The following NETO1 variants were observed in gnomAD, a reference collection of about 807,000 sequenced individuals.
NETO1 encodes neuropilin and tolloid like 1.
In NETO1, 26 loss-of-function variants were observed where a neutral mutation model predicts 61.3. The ratio of observed to expected loss-of-function variants is 0.42; its 90% confidence interval spans 0.31 to 0.59. The LOEUF (loss-of-function observed/expected upper bound fraction) is 0.59, where lower values mean the gene tolerates loss of function less well. NETO1 is among the 20% of genes least tolerant of loss of function. The pLI is 0.12. For missense variants in NETO1, 531 were observed against 662.8 expected (o/e 0.80, Z 2.18); for synonymous variants, 225 against 225.8 (o/e 1.00, Z 0.03).
intron 7 of NETO1, among the ~76,000 whole-genome samples, chr18:72,773,159 C>T (rs957373437): frequency 6.6e-6 from 1 of 151,932 alleles, no homozygotes; most frequent in Non-Finnish European, 1.5e-5. Flanking sequence ...TTCCTCCTCA[C>T]TTGCATCTGA....
intron 4 of NETO1, among the ~76,000 whole-genome samples, chr18:72,810,191 A>C (rs1439208978): frequency 6.6e-6 from 1 of 152,188 alleles, no homozygotes; most frequent in African/African-American, 2.4e-5. Flanking sequence ...AAAATATTCA[A>C]ATCTTCCCAT....
chr18:72,764,942 C>T (rs1188420883), intron 7 of NETO1, among the ~76,000 whole-genome samples: 2 of 152,142 alleles, frequency 1.3e-5, no homozygotes, highest in Non-Finnish European at 2.9e-5. Context: ...GAGGTCTCCA[C>T]TGCTGTGAAT....
intron 7 of NETO1, among the ~76,000 whole-genome samples, chr18:72,772,821 C>CTA (rs2071412980): frequency 7.9e-5 from 4 of 50,706 alleles, no homozygotes; most frequent in African/African-American, 1.7e-4. Context: ...CTCTCTCTCT[C>CTA]TCTCTATATA....
chr18:72,766,526 A>T lies in NETO1; in HGVS notation c.869-10379T>A, dbSNP rs368488525. Among the ~76,000 whole-genome samples, 453 of 152,214 alleles carry T rather than the reference A, an allele frequency of 3.0e-3. 3 individuals carry two copies. The highest frequency in any genetic ancestry group is 0.01 in the African/African-American group (421 of 41,544). On this transcript the variant is annotated intron_variant, in intron 7 of 10. Coordinates refer to ENST00000327305, the MANE Select transcript of NETO1 (RefSeq NM_138966.5). ...TTTTCATGTCCTTTATCACCTTCAT[A>T]GTTGTTTTGAAAAATCAATATGTTT...
At chr18:72,753,547 G>A (rs115864468) in intron 8 of NETO1, among the ~76,000 whole-genome samples, 1,679 of 152,280 alleles carry the variant, frequency 0.011, 35 homozygotes, top group African/African-American at 0.038. Flanking sequence ...ATGGAAGAGA[G>A]TTCATGTTGA....
At position 72,788,262 on chromosome 18, in the gene NETO1, G is replaced by A. The variant is rs531845169; in HGVS notation, c.640-4356C>T. Among the ~76,000 whole-genome samples, 18 of 152,172 alleles carry A rather than the reference G, an allele frequency of 1.2e-4. No individual in the cohort carries two copies. In the South Asian group the frequency reaches 3.5e-3, roughly 30 times the overall value. On this transcript the variant is annotated intron_variant, in intron 6 of 10. Coordinates refer to ENST00000327305, the MANE Select transcript of NETO1 (RefSeq NM_138966.5). Reference sequence around the variant, plus strand: ...CCGTCACTAGATCCCAGGTAATCACGTCTGAAGCATTCAGTAGTGTTTACC... The same window carrying A: ...CCGTCACTAGATCCCAGGTAATCACATCTGAAGCATTCAGTAGTGTTTACC...
In NETO1 at chr18:72,841,443, G is replaced by C. The variant is rs112731030; in HGVS notation, c.469+17383C>G. On this transcript the variant is annotated intron_variant, in intron 4 of 10. Coordinates refer to ENST00000327305, the MANE Select transcript of NETO1 (RefSeq NM_138966.5). The stretch of plus-strand genomic sequence containing the variant: ...TGGCAGAGAAATCAAGCTCAGAAAG[G>C]CCATTTTGGCCGGGTGCGGTGGCTC... Among the ~76,000 whole-genome samples the C allele has an allele frequency of 1.8e-4, 27 of 151,994 alleles. 2 individuals carry two copies. Among genetic ancestry groups the C allele is most frequent in the African/African-American group, 6.5e-4 (27 of 41,444 alleles).
intron 4 of NETO1, chr18:72,834,529 CTATA>C: frequency 3.1e-6 from 3 of 960,304 alleles, no homozygotes; most frequent in Non-Finnish European, 3.7e-6. Flanking sequence ...ATATTAATTA[CTATA>C]TATAATATAA....
At chr18:72,817,347 A>G (rs2073059774) in intron 4 of NETO1, among the ~76,000 whole-genome samples, 1 of 152,206 alleles carries the variant, frequency 6.6e-6, no homozygotes, top group Admixed American at 6.5e-5. Flanking sequence ...ATTCCCAGCT[A>G]TGGCCAAGAA....
chr18:72,804,053 T>C (rs2072595776), intron 4 of NETO1, among the ~76,000 whole-genome samples: 1 of 152,098 alleles, frequency 6.6e-6, no homozygotes, highest in Non-Finnish European at 1.5e-5. Flanking sequence ...TATTAATTTA[T>C]ATTTTAATAT....
intron 4 of NETO1, among the ~76,000 whole-genome samples, chr18:72,856,907 T>C (rs2074426823): frequency 6.6e-6 from 1 of 152,248 alleles, no homozygotes; most frequent in African/African-American, 2.4e-5. Flanking sequence ...AAATGACAAC[T>C]ATAGCCTGCC....
intron 4 of NETO1, among the ~76,000 whole-genome samples, chr18:72,802,484 G>A (rs2072541082): frequency 6.6e-6 from 1 of 152,208 alleles, no homozygotes; most frequent in African/African-American, 2.4e-5. Flanking sequence ...AAAATGAACG[G>A]ATGTACAAAC....
chr18:72,797,373 GA>G (rs1279265616), intron 4 of NETO1, among the ~76,000 whole-genome samples: 3 of 152,032 alleles, frequency 2.0e-5, no homozygotes, highest in African/African-American at 7.2e-5. Flanking sequence ...AAAACTTTAT[GA>G]AAAAAATGTT....
chr18:72,777,427 A>T (rs973018544), intron 7 of NETO1, among the ~76,000 whole-genome samples: 1 of 127,166 alleles, frequency 7.9e-6, no homozygotes, highest in Non-Finnish European at 1.6e-5. Context: ...CTGAAAAAAA[A>T]AAACAAAACA....
At chr18:72,841,857 A>C (rs1352661809) in intron 4 of NETO1, among the ~76,000 whole-genome samples, 2 of 150,800 alleles carry the variant, frequency 1.3e-5, no homozygotes, top group Non-Finnish European at 2.9e-5. Flanking sequence ...TGTTTGTTTT[A>C]CTGTGTCACA....
At chr18:72,748,839 G>A (rs373152083) in intron 10 of NETO1, among the ~76,000 whole-genome samples, 175 bp downstream of exon 10, 1 of 151,972 alleles carries the variant, frequency 6.6e-6, no homozygotes, top group Non-Finnish European at 1.5e-5. Context: ...TATGTATCCC[G>A]AGAATCATCT....
At chr18:72,816,950 C>T (rs746449774) in intron 4 of NETO1, among the ~76,000 whole-genome samples, 3 of 152,122 alleles carry the variant, frequency 2.0e-5, no homozygotes, top group Admixed American at 1.3e-4. Flanking sequence ...TGAGAGTCTT[C>T]GAAGGGGGTG....
intron 7 of NETO1, among the ~76,000 whole-genome samples, chr18:72,773,689 CCCTGTGAAGAGGTG>C (rs1367065916): frequency 1.2e-4 from 19 of 152,102 alleles, no homozygotes; most frequent in African/African-American, 3.9e-4. Flanking sequence ...TCTCCTGCTG[CCCTGTGAAGAGGTG>C]CCTTCCGCCA....
intron 8 of NETO1, among the ~76,000 whole-genome samples, chr18:72,755,708 A>G (rs1355613223): frequency 1.3e-5 from 2 of 152,092 alleles, no homozygotes; most frequent in Non-Finnish European, 2.9e-5. Context: ...GTGTAGCCAC[A>G]AGCAGACAGC....
Sources: gnomAD v4.1 joint callset for allele counts (sites outside exome capture counted in the v4.1 genomes callset) on GRCh38, gnomAD v4.1.1 for gene constraint, MANE v1.5 for transcripts, NCBI Gene and HGNC (gene_info 2026-07-23, HGNC 2026-07-21) for gene names.